Variants in CNTN4 observed in about 807,000 individuals in gnomAD.
CNTN4 encodes the protein contactin 4, also known as contactin-4.
In CNTN4, 77 loss-of-function variants were observed where a neutral mutation model predicts 122.5. That is an observed-to-expected ratio of 0.63 (90% confidence interval 0.52 to 0.76). CNTN4 has a LOEUF of 0.76. CNTN4 is among the 30% of genes least tolerant of loss of function. CNTN4 has a pLI of 0.00. For synonymous variants in CNTN4, 512 were observed against 447.0 expected (o/e 1.15, Z -1.83); for missense variants, 1,256 against 1,259.1 (o/e 1.00, Z 0.04).
intron 13 of CNTN4, among the ~76,000 whole-genome samples, chr3:2,950,666 T>C (rs974313584): frequency 2.0e-5 from 3 of 152,210 alleles, no homozygotes; most frequent in African/African-American, 4.8e-5. Context: ...ACCTAGACTC[T>C]CATTTGAGCT....
At chr3:2,374,839 G>A (rs1341013871) in intron 3 of CNTN4, among the ~76,000 whole-genome samples, 1 of 152,082 alleles carries the variant, frequency 6.6e-6, no homozygotes, top group Non-Finnish European at 1.5e-5. Context: ...TTCACCCTTA[G>A]CAATGCTAAT....
At chr3:2,838,937 A>G (rs1001534764) in intron 7 of CNTN4, among the ~76,000 whole-genome samples, 1 of 152,232 alleles carries the variant, frequency 6.6e-6, no homozygotes, top group Admixed American at 6.5e-5. Flanking sequence ...GACATCTGGC[A>G]TCTGTAACTC....
chr3:2,330,668 A>C (rs534291814), intron 2 of CNTN4, among the ~76,000 whole-genome samples: 1 of 152,328 alleles, frequency 6.6e-6, no homozygotes, highest in Admixed American at 6.5e-5. Context: ...ACTCAGCTAG[A>C]AAGTGAAGAG....
Position 2,588,671 on chromosome 3 carries a change from T to C in CNTN4, c.55+17113T>C, listed in dbSNP as rs565188734. On this transcript the variant is annotated intron_variant, in intron 4 of 24. Coordinates refer to ENST00000418658, the MANE Select transcript of CNTN4 (RefSeq NM_175607.3). ...TGAGCCACCACGCCTGGCCATGAGT[T>C]AGTACTTTTTTAGTGCCTGATCTCT... is the stretch of plus-strand genomic sequence containing the variant. Among the ~76,000 whole-genome samples the C allele has an allele frequency of 1.8e-3, 269 of 152,038 alleles. 2 individuals carry two copies. The highest frequency in any genetic ancestry group is 6.3e-3 in the African/African-American group (260 of 41,462).
At chr3:2,606,549 A>G (rs1195781908) in intron 4 of CNTN4, among the ~76,000 whole-genome samples, 1 of 152,216 alleles carries the variant, frequency 6.6e-6, no homozygotes, top group Non-Finnish European at 1.5e-5. Flanking sequence ...TTTTAAGAGG[A>G]CTTTGACAAC....
chr3:2,219,262 T>A (rs1357337399), intron 2 of CNTN4, among the ~76,000 whole-genome samples: 1 of 152,206 alleles, frequency 6.6e-6, no homozygotes, highest in Non-Finnish European at 1.5e-5. Context: ...GCTTAACACT[T>A]TTTTTAGGGC....
intron 13 of CNTN4, among the ~76,000 whole-genome samples, chr3:2,980,434 C>T (rs964747610): frequency 6.8e-6 from 1 of 147,744 alleles, no homozygotes; most frequent in African/African-American, 2.6e-5. Flanking sequence ...TACTCCATCA[C>T]TATTCATAAG....
At chr3:2,362,535 GAA>G (rs1294449958) in intron 3 of CNTN4, 1 of 600,662 alleles carries the variant, frequency 1.7e-6, no homozygotes, top group African/African-American at 1.9e-5. Flanking sequence ...TCATTCCTAA[GAA>G]GCCCATTCCT....
At chr3:2,740,758 G>C (rs963206337) in intron 5 of CNTN4, among the ~76,000 whole-genome samples, 2 of 152,060 alleles carry the variant, frequency 1.3e-5, no homozygotes, top group Non-Finnish European at 2.9e-5. Context: ...AGAAGAAATG[G>C]GATATGAACT....
chr3:2,313,917 A>G (rs17194273), intron 2 of CNTN4, among the ~76,000 whole-genome samples: 15,746 of 152,050 alleles, frequency 0.1, 965 homozygotes, highest in Non-Finnish European at 0.14. Flanking sequence ...GAATAACTGT[A>G]AAATTGGAAA....
rs189802981 is a variant in CNTN4, at chr3:2,881,534, G to A, written c.653-1611G>A. Among the ~76,000 whole-genome samples the A allele has an allele frequency of 2.7e-3, 401 of 149,436 alleles. 3 individuals are homozygous for A. Among genetic ancestry groups the A allele is most frequent in the African/African-American group, 9.7e-3 (396 of 40,782 alleles). Reference sequence around the variant, plus strand: ...TCTCAAGAAAAAAAAAAAAAAAACAGGCAAGGGCCCACCTCTGCGAAGTGA... The same window carrying A: ...TCTCAAGAAAAAAAAAAAAAAAACAAGCAAGGGCCCACCTCTGCGAAGTGA... On this transcript the variant is annotated intron_variant, in intron 8 of 24. Transcript: ENST00000418658.
At chr3:2,508,213 T>G (rs2076788166) in intron 3 of CNTN4, among the ~76,000 whole-genome samples, 2 of 152,118 alleles carry the variant, frequency 1.3e-5, no homozygotes, top group South Asian at 4.2e-4. Context: ...AAAAGAAGGT[T>G]CAATCATTGC....
At chr3:2,820,131 T>C (rs1470330420) in intron 7 of CNTN4, among the ~76,000 whole-genome samples, 1 of 152,066 alleles carries the variant, frequency 6.6e-6, no homozygotes. Flanking sequence ...GGATAAAGGC[T>C]CAGTCCCACA....
intron 2 of CNTN4, among the ~76,000 whole-genome samples, chr3:2,175,124 CATTT>C (rs779894731): frequency 7.2e-5 from 11 of 152,262 alleles, no homozygotes; most frequent in South Asian, 4.1e-4. Context: ...ATGTATAAGA[CATTT>C]ATTTAATCTA....
At chr3:2,275,686 C>T (rs899120148) in intron 2 of CNTN4, among the ~76,000 whole-genome samples, 6 of 151,954 alleles carry the variant, frequency 3.9e-5, no homozygotes, top group Non-Finnish European at 7.4e-5. Flanking sequence ...CTTTGGCAGG[C>T]TGAGGCGGGC....
chr3:2,905,001 C>T (rs918115129), intron 12 of CNTN4, among the ~76,000 whole-genome samples: 1 of 151,908 alleles, frequency 6.6e-6, no homozygotes, highest in African/African-American at 2.4e-5. Context: ...GAGTGCCTAC[C>T]CATAGCTGAA....
intron 6 of CNTN4, 108 bp from the exon 7 acceptor site, chr3:2,819,378 A>C: frequency 1.2e-6 from 1 of 824,296 alleles, no homozygotes; most frequent in South Asian, 1.4e-5. Context: ...TATGGGTGCT[A>C]CCAACGCAGT....
intron 4 of CNTN4, among the ~76,000 whole-genome samples, chr3:2,712,916 C>T (rs969136718): frequency 6.6e-6 from 1 of 152,230 alleles, no homozygotes; most frequent in African/African-American, 2.4e-5. Flanking sequence ...CTCACCCAAG[C>T]AGGGCGTGGA....
chr3:2,196,609 C>T (rs972935616), intron 2 of CNTN4, among the ~76,000 whole-genome samples: 4 of 152,142 alleles, frequency 2.6e-5, no homozygotes, highest in South Asian at 4.1e-4. Context: ...GTTACTAGTA[C>T]GTACCCTATA....
Sources: allele counts gnomAD v4.1 joint callset (sites outside exome capture counted in the v4.1 genomes callset), GRCh38; gene constraint gnomAD v4.1.1; transcripts MANE v1.5; gene names NCBI Gene and HGNC (gene_info 2026-07-23, HGNC 2026-07-21).